CA8: variants seen among roughly 807,000 people sequenced by gnomAD.
The protein encoded by CA8 is carbonic anhydrase 8 (inactive).
A neutral mutation model predicts 41.4 loss-of-function variants in CA8; 22 were observed. The ratio of observed to expected loss-of-function variants is 0.53; its 90% CI spans 0.38 to 0.76. The LOEUF (loss-of-function observed/expected upper bound fraction) is 0.76, where lower values mean the gene tolerates loss of function less well. Among genes scored for constraint, CA8 ranks in the 30% least tolerant of loss-of-function variants. The pLI, the probability that CA8 is intolerant of heterozygous loss-of-function variation, is 0.00. For missense variants in CA8, 270 were observed against 352.8 expected, an observed-to-expected ratio of 0.77 and a Z score of 1.88; for synonymous variants, 121 against 130.6, an observed-to-expected ratio of 0.93 and a Z score of 0.50.
chr8:60,268,221 T>C (rs746287686), intron 2 of CA8, among the ~76,000 whole-genome samples: 3 of 152,084 alleles, frequency 2.0e-5, no homozygotes, highest in Non-Finnish European at 4.4e-5. Context: ...AAGAGGAGTG[T>C]CATGAAATGA....
chr8:60,212,224 C>A (rs916255218), intron 7 of CA8, among the ~76,000 whole-genome samples: 1 of 152,182 alleles, frequency 6.6e-6, no homozygotes, highest in Non-Finnish European at 1.5e-5. Context: ...AAATTATCCA[C>A]TAAAAGTTCA....
rs551753063 is a variant in CA8 at position 60,190,095 on chromosome 8, A to C, written c.*36-110T>G. The C allele has an allele frequency of 6.4e-4, 97 of 152,036 alleles. 4 individuals carry two copies. Among genetic ancestry groups the C allele is most frequent in the Admixed American group, 6.3e-3 (96 of 15,250 alleles). The allele number at this position is 152,036 out of a possible 1,614,324, so 9.4% of individuals were successfully genotyped here. A position where few individuals can be genotyped will look rare whatever the true frequency, so the allele number is the denominator to read the frequency against. ...AGAGATAGTAAAAACTAAAAATTTCATAAGAAAATGTGGAAATTTCAAAAA... is the reference window on the plus strand; with the variant it reads ...AGAGATAGTAAAAACTAAAAATTTCCTAAGAAAATGTGGAAATTTCAAAAA... On this transcript the variant is annotated intron_variant, in intron 8 of 8. Transcript: ENST00000317995.
intron 2 of CA8, among the ~76,000 whole-genome samples, chr8:60,273,897 G>A (rs1237821613): frequency 6.6e-6 from 1 of 152,080 alleles, no homozygotes; most frequent in African/African-American, 2.4e-5. Flanking sequence ...ACTCCAGATG[G>A]GATTATATAT....
chr8:60,256,318 T>C (rs1256782043), intron 3 of CA8, among the ~76,000 whole-genome samples: 2 of 152,160 alleles, frequency 1.3e-5, no homozygotes, highest in African/African-American at 4.8e-5. Flanking sequence ...AGAAAACAAA[T>C]GTCATTGTGA....
At chr8:60,256,122 C>T (rs540278396) in intron 3 of CA8, among the ~76,000 whole-genome samples, 2 of 152,162 alleles carry the variant, frequency 1.3e-5, no homozygotes, top group East Asian at 3.9e-4. Context: ...GTTGGTCAGG[C>T]TGGTTTTGAA....
At chr8:60,246,958 A>C (rs1476428078) in intron 3 of CA8, among the ~76,000 whole-genome samples, 1 of 131,826 alleles carries the variant, frequency 7.6e-6, no homozygotes, top group African/African-American at 3.0e-5. Context: ...ATCTCGGCTC[A>C]CTGCAAGCTC....
intron 4 of CA8, among the ~76,000 whole-genome samples, chr8:60,228,958 T>C (rs1807540530): frequency 6.6e-6 from 1 of 152,126 alleles, no homozygotes; most frequent in African/African-American, 2.4e-5. Context: ...AAAAAGCAAG[T>C]ACTGATGATA....
In CA8 at chr8:60,265,968, C is replaced by T. The variant is rs200882621; in HGVS notation, c.374G>A (p.Arg125His). The change falls in exon 3 of 9, where the codon CGT (arginine) becomes CAT (histidine). Residue 125 changes from arginine (R) to histidine (H), a missense_variant. Physicochemically the swap from Arg to His is conservative, Grantham distance 29 (BLOSUM62 0). Transcript: ENST00000317995. ...GAAATTAACCGTGTGCTCAGAACCACGCTGGTTTTCTCTTCCCCAGTGAAA... is the reference window on the plus strand; with the variant it reads ...GAAATTAACCGTGTGCTCAGAACCATGCTGGTTTTCTCTTCCCCAGTGAAA... ...VRFHWGRENQ[R>H]GSEHTVNFKA... The T allele has an allele frequency of 3.7e-5, 60 of 1,613,934 alleles. No homozygotes were observed. Among genetic ancestry groups the T allele is most frequent in the Non-Finnish European group, 2.7e-5 (32 of 1,179,906 alleles).
chr8:60,249,702 T>C (rs969807712), intron 3 of CA8, among the ~76,000 whole-genome samples: 1 of 152,214 alleles, frequency 6.6e-6, no homozygotes, highest in African/African-American at 2.4e-5. Flanking sequence ...CATTTTACAG[T>C]ATCCCCAAAA....
intron 8 of CA8, among the ~76,000 whole-genome samples, chr8:60,197,490 C>G (rs140158683): frequency 3.3e-5 from 5 of 152,216 alleles, no homozygotes; most frequent in Admixed American, 2.0e-4. Context: ...TCACAACCAC[C>G]CTACGAGGTA....
At chr8:60,255,533 A>T (rs1808605308) in intron 3 of CA8, among the ~76,000 whole-genome samples, 1 of 152,032 alleles carries the variant, frequency 6.6e-6, no homozygotes, top group Admixed American at 6.6e-5. Context: ...CACTGAATAA[A>T]CTCTCATCCA....
intron 8 of CA8, chr8:60,208,346 C>T (rs748001655): frequency 1.3e-4 from 28 of 215,634 alleles, no homozygotes; most frequent in Non-Finnish European, 4.7e-5. Flanking sequence ...AGGGTCCACA[C>T]TGAGGCTCAC....
At chr8:60,220,341 G>A (rs1357455404) in intron 7 of CA8, among the ~76,000 whole-genome samples, 1 of 152,078 alleles carries the variant, frequency 6.6e-6, no homozygotes, top group African/African-American at 2.4e-5. Flanking sequence ...ACTAAAACCA[G>A]AATCAAGCAG....
At chr8:60,215,649 T>C (rs1454461391) in intron 7 of CA8, among the ~76,000 whole-genome samples, 2 of 152,148 alleles carry the variant, frequency 1.3e-5, no homozygotes, top group African/African-American at 2.4e-5. Flanking sequence ...TTCAATTGTG[T>C]TTTTTCTCCC....
chr8:60,218,199 G>A (rs1807091078), intron 7 of CA8, among the ~76,000 whole-genome samples: 1 of 152,144 alleles, frequency 6.6e-6, no homozygotes, highest in African/African-American at 2.4e-5. Context: ...GACCTGGCTT[G>A]GGGAAGGCCT....
intron 7 of CA8, among the ~76,000 whole-genome samples, chr8:60,209,219 C>T (rs1339500618): frequency 1.3e-5 from 2 of 152,220 alleles, no homozygotes; most frequent in African/African-American, 4.8e-5. Flanking sequence ...GGCACAGTGG[C>T]TCACGCCTGT....
intron 2 of CA8, among the ~76,000 whole-genome samples, chr8:60,271,113 C>A (rs1047672366): frequency 1.3e-5 from 2 of 152,052 alleles, no homozygotes; most frequent in Non-Finnish European, 2.9e-5. Context: ...GAAGCCAAGG[C>A]GGGAGGATCA....
intron 2 of CA8, among the ~76,000 whole-genome samples, chr8:60,267,947 A>G (rs1463276870): frequency 6.6e-6 from 1 of 152,192 alleles, no homozygotes; most frequent in Non-Finnish European, 1.5e-5. Context: ...AAACGTTTCT[A>G]AACAACCTCA....
chr8:60,194,990 A>G lies in CA8; in HGVS notation c.*36-5005T>C, dbSNP rs181390077. 1.6e-3 allele frequency among the ~76,000 whole-genome samples: 246 copies of G among 152,342 alleles called. 2 individuals are homozygous for G. The highest frequency in any genetic ancestry group is 5.7e-3 in the African/African-American group (238 of 41,578). On this transcript the variant is annotated intron_variant, in intron 8 of 8. Coordinates refer to ENST00000317995, the MANE Select transcript of CA8 (RefSeq NM_004056.6). ...TTGTGTATTTTCTAAAGTTCCTACAATAACTACATTAGTTAGTAATCAGAA... is the reference window on the plus strand; with the variant it reads ...TTGTGTATTTTCTAAAGTTCCTACAGTAACTACATTAGTTAGTAATCAGAA...
Sources: allele counts gnomAD v4.1 joint callset (sites outside exome capture counted in the v4.1 genomes callset), GRCh38; gene constraint gnomAD v4.1.1; transcripts MANE v1.5; gene names NCBI Gene and HGNC (gene_info 2026-07-23, HGNC 2026-07-21).